Variants in KLHL1 observed in about 807,000 individuals in gnomAD.
KLHL1 encodes the protein kelch-like protein 1.
In KLHL1, 47 loss-of-function variants were observed where a neutral mutation model predicts 77.7. That is an observed-to-expected ratio of 0.60 (90% CI 0.48 to 0.77). The LOEUF (loss-of-function observed/expected upper bound fraction) is 0.77, where lower values mean the gene tolerates loss of function less well. KLHL1 is among the 30% of genes least tolerant of loss of function. KLHL1 has a pLI of 0.00. For synonymous variants in KLHL1, 360 were observed against 325.2 expected (o/e 1.11, Z -1.15); for missense variants, 925 against 910.8 (o/e 1.02, Z -0.20).
At chr13:69,993,625 T>C (rs1006681657) in intron 1 of KLHL1, among the ~76,000 whole-genome samples, 1 of 152,116 alleles carries the variant, frequency 6.6e-6, no homozygotes, top group Non-Finnish European at 1.5e-5. Context: ...GACTGTGAAT[T>C]CCAGGTATAT....
intron 1 of KLHL1, among the ~76,000 whole-genome samples, chr13:70,045,873 A>C (rs1242070302): frequency 6.6e-6 from 1 of 152,200 alleles, no homozygotes; most frequent in Non-Finnish European, 1.5e-5. Context: ...ACCTTCCTCT[A>C]TCTGTTTTGT....
At chr13:70,007,359 C>A (rs1156845156) in intron 1 of KLHL1, among the ~76,000 whole-genome samples, 2 of 151,678 alleles carry the variant, frequency 1.3e-5, no homozygotes, top group African/African-American at 4.8e-5. Context: ...CACACAAATA[C>A]ATATACATCT....
At chr13:69,775,771 A>G (rs1875796748) in intron 7 of KLHL1, among the ~76,000 whole-genome samples, 2 of 151,956 alleles carry the variant, frequency 1.3e-5, no homozygotes, top group South Asian at 2.1e-4. Flanking sequence ...GCTCACCACA[A>G]TCTCTGCCTC....
chr13:69,846,381 A>C (rs3012099), intron 5 of KLHL1, among the ~76,000 whole-genome samples: 150,297 of 151,468 alleles, frequency 0.99, 74,573 homozygotes, highest in East Asian at 1. Flanking sequence ...TATAGGATAA[A>C]CTCACACAAT....
At chr13:69,824,074 A>C (rs1367266371) in intron 6 of KLHL1, among the ~76,000 whole-genome samples, 1 of 152,038 alleles carries the variant, frequency 6.6e-6, no homozygotes, top group African/African-American at 2.4e-5. Context: ...CTGCATGTTC[A>C]TAGAAGCATC....
chr13:69,807,721 A>G (rs1442649526), intron 6 of KLHL1, among the ~76,000 whole-genome samples: 2 of 152,136 alleles, frequency 1.3e-5, no homozygotes, highest in African/African-American at 4.8e-5. Flanking sequence ...CAGAGCTCCA[A>G]TGAGTGGTGT....
Position 69,740,204 on chromosome 13 carries a change from T to A in KLHL1, c.1802+190A>T, listed in dbSNP as rs199935217. ...ATTTGATACTTCTTTAATCATCAAT[T>A]AATGTGAAGCAATTTTGGGTTCCGT... is the stretch of plus-strand genomic sequence containing the variant. On this transcript the variant is annotated intron_variant, in intron 8 of 10. Coordinates refer to ENST00000377844, the MANE Select transcript of KLHL1 (RefSeq NM_020866.3). 2.0e-5 allele frequency among the ~76,000 whole-genome samples: 3 copies of A among 152,232 alleles called. No individual in the cohort carries two copies. In the East Asian group the frequency reaches 5.8e-4, roughly 29 times the overall value.
At chr13:70,062,824 T>C (rs1886923183) in intron 1 of KLHL1, among the ~76,000 whole-genome samples, 1 of 152,196 alleles carries the variant, frequency 6.6e-6, no homozygotes, top group African/African-American at 2.4e-5. Flanking sequence ...AATTATATTT[T>C]AGTTATATGA....
chr13:70,075,392 G>T lies in KLHL1; in HGVS notation c.497+31811C>A, dbSNP rs1411328588. On this transcript the variant is annotated intron_variant, in intron 1 of 10. Coordinates refer to ENST00000377844, the MANE Select transcript of KLHL1 (RefSeq NM_020866.3). ...AAAAGGAAGCAATAAATCTATCTTTGCTCACAGATAACATAATTTTCTGTA... is the reference window on the plus strand; with the variant it reads ...AAAAGGAAGCAATAAATCTATCTTTTCTCACAGATAACATAATTTTCTGTA... 2.7e-5 allele frequency among the ~76,000 whole-genome samples: 4 copies of T among 150,750 alleles called. No individual in the cohort carries two copies. The East Asian group carries it at 7.8e-4, about 29-fold the overall frequency.
intron 8 of KLHL1, 102 bp from the exon 9 acceptor site, chr13:69,719,683 G>T: frequency 3.8e-6 from 3 of 795,934 alleles, no homozygotes; most frequent in East Asian, 2.7e-5. Flanking sequence ...AGGCTCAAAC[G>T]TGTTGGAAAT....
At chr13:69,830,271 G>A (rs140340014) in intron 6 of KLHL1, among the ~76,000 whole-genome samples, 1,978 of 150,032 alleles carry the variant, frequency 0.013, 194 homozygotes, top group African/African-American at 0.047. Flanking sequence ...CCATGCAAAT[G>A]GACACCAAAA....
Position 69,839,018 on chromosome 13 carries a change from C to A in KLHL1, c.1372G>T (p.Val458Phe), listed in dbSNP as rs1879138017. The change falls in exon 6 of 11, where the codon GTC becomes TTC. Residue 458 changes from valine to phenylalanine, a missense_variant. Val to Phe is a conservative substitution (Grantham distance 50). Coordinates refer to ENST00000377844, the MANE Select transcript of KLHL1 (RefSeq NM_020866.3). ...CCTCCTACAGCATACAAAGTTCCGA[C>A]TGTAGATTTTCTGGGTTTAGTTCTC... ...SPRTKPRKST[V>F]GTLYAVGGMD... 1 of 1,609,932 alleles carries A rather than the reference C, an allele frequency of 6.2e-7. No individual in the cohort carries two copies. Among genetic ancestry groups the A allele is most frequent in the Non-Finnish European group, 8.5e-7 (1 of 1,177,800 alleles).
chr13:70,033,277 TGTTTTGTTTTGTTTC>T (rs1237975166), intron 1 of KLHL1, among the ~76,000 whole-genome samples: 1 of 152,004 alleles, frequency 6.6e-6, no homozygotes, highest in African/African-American at 2.4e-5. Flanking sequence ...AATAATTTTT[TGTTTTGTTTTGTTTC>T]GTTTTGTTTT....
At chr13:69,955,707 C>T (rs1312938857) in intron 3 of KLHL1, among the ~76,000 whole-genome samples, 1 of 150,572 alleles carries the variant, frequency 6.6e-6, no homozygotes, top group Non-Finnish European at 1.5e-5. Flanking sequence ...AACCTCAGTG[C>T]ATCCTTTCCA....
chr13:69,816,560 G>C (rs1042517193), intron 6 of KLHL1, among the ~76,000 whole-genome samples: 1 of 151,884 alleles, frequency 6.6e-6, no homozygotes, highest in Non-Finnish European at 1.5e-5. Context: ...GCCTGGCCTG[G>C]AAGTTGAATT....
At chr13:69,948,321 A>C (rs761943259) in intron 3 of KLHL1, among the ~76,000 whole-genome samples, 3 of 152,054 alleles carry the variant, frequency 2.0e-5, no homozygotes, top group Non-Finnish European at 4.4e-5. Flanking sequence ...ATCAGTGAAG[A>C]AACTTTTACC....
chr13:69,767,276 C>CAT (rs1037640665), intron 7 of KLHL1, among the ~76,000 whole-genome samples: 1 of 152,070 alleles, frequency 6.6e-6, no homozygotes, highest in African/African-American at 2.4e-5. Flanking sequence ...AAAACATGTA[C>CAT]ATAAATTTTG....
chr13:69,899,684 T>A (rs1056475565), intron 4 of KLHL1, among the ~76,000 whole-genome samples: 4 of 152,032 alleles, frequency 2.6e-5, no homozygotes, highest in Non-Finnish European at 5.9e-5. Context: ...GGCAAATAGC[T>A]TTGCTAGCTG....
chr13:70,085,223 CAGAG>C (rs1425064100), intron 1 of KLHL1, among the ~76,000 whole-genome samples: 3 of 151,822 alleles, frequency 2.0e-5, no homozygotes, highest in Admixed American at 1.3e-4. Flanking sequence ...CAGAAAGAGA[CAGAG>C]AGAGAGAGAA....
Sources: allele counts gnomAD v4.1 joint callset (sites outside exome capture counted in the v4.1 genomes callset), GRCh38; gene constraint gnomAD v4.1.1; transcripts MANE v1.5; gene names NCBI Gene and HGNC (gene_info 2026-07-23, HGNC 2026-07-21).